Variants in RGS18 observed in about 807,000 individuals in gnomAD.
RGS18 encodes the protein regulator of G-protein signaling 18.
In RGS18, 22 loss-of-function variants were observed where a neutral mutation model predicts 27.6. That is an observed-to-expected ratio of 0.80 (90% CI 0.57 to 1.14). The LOEUF (loss-of-function observed/expected upper bound fraction) is 1.14, where lower values mean the gene tolerates loss of function less well. Among genes scored for constraint, RGS18 ranks in the 50% most tolerant of loss-of-function variants. RGS18 has a pLI of 0.00. For synonymous variants in RGS18, 89 were observed against 84.6 expected, an observed-to-expected ratio of 1.05 and a Z score of -0.29; for missense variants, 299 against 269.6, an observed-to-expected ratio of 1.11 and a Z score of -0.76.
chr1:192,159,207 C>CAATT lies in RGS18; in HGVS notation c.120-13_120-12insAATT. The CAATT allele has an allele frequency of 1.3e-6, 2 of 1,589,396 alleles. No individual in the cohort carries two copies. Among genetic ancestry groups the CAATT allele is most frequent in the Non-Finnish European group, 1.7e-6 (2 of 1,159,088 alleles). ...ATCTAAATTGTCCTGACATGAAGGCCTTTTTATTACAGAGCTAAGGAAAAA... is the reference window on the plus strand; with the variant it reads ...ATCTAAATTGTCCTGACATGAAGGCCAATTTTTTTATTACAGAGCTAAGGAAAAA... On this transcript the variant is annotated splice_polypyrimidine_tract_variant and intron_variant, in intron 1 of 4. Transcript: ENST00000367460.
At chr1:192,160,027 G>T (rs1351791736) in intron 2 of RGS18, among the ~76,000 whole-genome samples, 1 of 151,642 alleles carries the variant, frequency 6.6e-6, no homozygotes, top group African/African-American at 2.4e-5. Context: ...TGTGAGTTTA[G>T]TTTTTTTCTA....
Position 192,184,572 on chromosome 1 carries a change from C to T in RGS18, c.*18C>T. ...GGTTATAAAGAAAATTGATTTTGCT[C>T]ATTTTTATGACAAACTTATACATCT... On this transcript the variant is annotated 3_prime_UTR_variant, in exon 5 of 5. Transcript: ENST00000367460. 5.6e-6 allele frequency: 9 copies of T among 1,605,152 alleles called. No individual in the cohort carries two copies. The highest frequency in any genetic ancestry group is 7.7e-6 in the Non-Finnish European group (9 of 1,173,836).
chr1:192,161,258 AT>A lies in RGS18; in HGVS notation c.283+822del, dbSNP rs545898826. On this transcript the variant is annotated intron_variant, in intron 3 of 4. Coordinates refer to ENST00000367460, the MANE Select transcript of RGS18 (RefSeq NM_130782.3). ...TAGAAATGTTGAGAATCGAGTATGT[AT>A]TTAAGGTGGAGCTTTGTCTGTGAGA... is the stretch of plus-strand genomic sequence containing the variant. Among the ~76,000 whole-genome samples, 266 of 152,286 alleles carry A rather than the reference AT, an allele frequency of 1.7e-3. 3 individuals are homozygous for A. The Middle Eastern group carries it at 0.02, about 12-fold the overall frequency.
chr1:192,162,523 T>G (rs575461540), intron 3 of RGS18, among the ~76,000 whole-genome samples: 113 of 152,180 alleles, frequency 7.4e-4, no homozygotes, highest in Admixed American at 2.2e-3. Flanking sequence ...CCTCAAGTGA[T>G]CCACCCATCT....
At chr1:192,160,562 AT>A in intron 3 of RGS18, 123 bp downstream of exon 3, 2 of 611,450 alleles carry the variant, frequency 3.3e-6, no homozygotes, top group Non-Finnish European at 5.9e-6. Context: ...CAGTAATTCA[AT>A]TTTCTGATCA....
chr1:192,159,999 T>A lies in RGS18; in HGVS notation c.222-379T>A, dbSNP rs533358736. On this transcript the variant is annotated intron_variant, in intron 2 of 4. Coordinates refer to ENST00000367460, the MANE Select transcript of RGS18 (RefSeq NM_130782.3). The stretch of plus-strand genomic sequence containing the variant: ...TTCAAGGAAATTGCAGTATAATTTT[T>A]TTTTAACTGAAAGATACTGTGAGTT... Among the ~76,000 whole-genome samples the A allele has an allele frequency of 1.2e-3, 190 of 152,242 alleles. 1 individual carries two copies. The highest frequency in any genetic ancestry group is 1.3e-3 in the Non-Finnish European group (90 of 67,974).
intron 3 of RGS18, chr1:192,168,596 TTA>T (rs1419238895): frequency 5.9e-5 from 9 of 152,258 alleles, no homozygotes; most frequent in African/African-American, 2.2e-4. Context: ...GAAATAATGT[TTA>T]TGTTATTTTC....
chr1:192,183,876 G>T (rs1656496890), intron 4 of RGS18, among the ~76,000 whole-genome samples: 1 of 151,652 alleles, frequency 6.6e-6, no homozygotes, highest in South Asian at 2.1e-4. Context: ...AAGCCTAATA[G>T]CATCTGCTTT....
chr1:192,180,676 A>G (rs1158523081), intron 3 of RGS18, among the ~76,000 whole-genome samples: 1 of 151,632 alleles, frequency 6.6e-6, no homozygotes, highest in African/African-American at 2.4e-5. Context: ...AACATGACCT[A>G]CCACCTTTTT....
chr1:192,161,140 G>A (rs1365618593), intron 3 of RGS18, among the ~76,000 whole-genome samples: 1 of 152,132 alleles, frequency 6.6e-6, no homozygotes, highest in Non-Finnish European at 1.5e-5. Context: ...GTGAACCACT[G>A]CGCCCCGCTC....
intron 3 of RGS18, among the ~76,000 whole-genome samples, chr1:192,167,498 C>T (rs536129137): frequency 1.3e-5 from 2 of 152,124 alleles, no homozygotes; most frequent in South Asian, 2.1e-4. Flanking sequence ...CAGCTCACTG[C>T]AACCTCCACC....
At chr1:192,178,992 T>C (rs1469683084) in intron 3 of RGS18, among the ~76,000 whole-genome samples, 1 of 151,110 alleles carries the variant, frequency 6.6e-6, no homozygotes, top group Non-Finnish European at 1.5e-5. Flanking sequence ...ATAGGGAAGA[T>C]AAAGGAAAGA....
At chr1:192,169,824 A>G (rs1011491151) in intron 3 of RGS18, 9 of 152,222 alleles carry the variant, frequency 5.9e-5, no homozygotes, top group African/African-American at 1.9e-4. Flanking sequence ...TTAGAATTCT[A>G]TTAAAAAATT....
chr1:192,166,637 A>G (rs1002538282), intron 3 of RGS18, among the ~76,000 whole-genome samples: 7 of 152,154 alleles, frequency 4.6e-5, no homozygotes, highest in African/African-American at 1.7e-4. Context: ...TATGTTATTG[A>G]GTGAGAAGAT....
intron 3 of RGS18, chr1:192,168,326 C>T (rs1656195983): frequency 6.6e-6 from 1 of 152,114 alleles, no homozygotes; most frequent in Admixed American, 6.5e-5. Context: ...ATCCTTTATT[C>T]ATTTCTTGAA....
At chr1:192,160,520 G>C in intron 3 of RGS18, 81 bp downstream of exon 3, 2 of 1,004,570 alleles carry the variant, frequency 2.0e-6, no homozygotes, top group East Asian at 5.1e-5. Context: ...CGAAACAATA[G>C]GTCACAAAAT....
intron 3 of RGS18, among the ~76,000 whole-genome samples, chr1:192,174,804 T>C (rs758253379): frequency 5.9e-5 from 9 of 151,916 alleles, no homozygotes; most frequent in Non-Finnish European, 1.0e-4. Context: ...GTGTCTCTTG[T>C]TGCCAATATG....
intron 3 of RGS18, among the ~76,000 whole-genome samples, chr1:192,180,156 T>A (rs1487642605): frequency 6.6e-6 from 1 of 151,618 alleles, no homozygotes; most frequent in Non-Finnish European, 1.5e-5. Context: ...AGTCTGCCAC[T>A]TTTTTAGTTA....
rs557488579 is a variant in RGS18 at position 192,159,526 on chromosome 1, A to G, written c.221+205A>G. Among the ~76,000 whole-genome samples, 4 of 152,336 alleles carry G rather than the reference A, an allele frequency of 2.6e-5. No individual in the cohort carries two copies. The South Asian group carries it at 8.3e-4, about 32-fold the overall frequency. On this transcript the variant is annotated intron_variant, in intron 2 of 4. Coordinates refer to ENST00000367460, the MANE Select transcript of RGS18 (RefSeq NM_130782.3). The stretch of plus-strand genomic sequence containing the variant: ...GCTTGAATTGAATAATCACGTGAAC[A>G]CTTAAAGCTGCTCTTTTAAAATTAT...
Sources: gnomAD v4.1 joint callset for allele counts (sites outside exome capture counted in the v4.1 genomes callset) on GRCh38, gnomAD v4.1.1 for gene constraint, MANE v1.5 for transcripts, NCBI Gene and HGNC (gene_info 2026-07-23, HGNC 2026-07-21) for gene names.